Variants in EXOC4 observed in about 807,000 individuals in gnomAD.
The protein encoded by EXOC4 is exocyst complex component 4, also known as SEC8-like 1.
In EXOC4, 71 loss-of-function variants were observed where a neutral mutation model predicts 107.2. That is an observed-to-expected ratio of 0.66 (90% CI 0.55 to 0.81). The LOEUF (loss-of-function observed/expected upper bound fraction) is 0.81. Among genes scored for constraint, EXOC4 ranks in the 30% least tolerant of loss-of-function variants. EXOC4 has a pLI of 0.00. For missense variants in EXOC4, 1,108 were observed against 1,189.6 expected, an observed-to-expected ratio of 0.93 and a Z score of 1.01; for synonymous variants, 456 against 441.2, an observed-to-expected ratio of 1.03 and a Z score of -0.42.
intron 5 of EXOC4, among the ~76,000 whole-genome samples, chr7:133,343,572 G>A (rs140691053): frequency 6.6e-6 from 1 of 151,288 alleles, no homozygotes; most frequent in East Asian, 1.9e-4. Context: ...CCACGCACTC[G>A]ACTTAATCTT....
At chr7:133,991,691 C>T (rs749641112) in intron 14 of EXOC4, among the ~76,000 whole-genome samples, 2 of 152,088 alleles carry the variant, frequency 1.3e-5, no homozygotes, top group Admixed American at 1.3e-4. Context: ...TTTTCCAGTA[C>T]CATTTATTAA....
At position 133,359,844 on chromosome 7, in the gene EXOC4, G is replaced by A. The variant is rs559405342; in HGVS notation, c.1007+3271G>A. 2.6e-5 allele frequency among the ~76,000 whole-genome samples: 4 copies of A among 152,202 alleles called. No individual in the cohort carries two copies. The South Asian group carries it at 8.3e-4, about 32-fold the overall frequency. On this transcript the variant is annotated intron_variant, in intron 6 of 17. Transcript: ENST00000253861. Reference sequence around the variant, plus strand: ...GCCAGTTTTTTAAAAAATCACTTTGGTGACCTACTTATTATTTTATTTTAT... The same window carrying A: ...GCCAGTTTTTTAAAAAATCACTTTGATGACCTACTTATTATTTTATTTTAT...
chr7:133,684,277 T>G (rs1012107293), intron 10 of EXOC4, among the ~76,000 whole-genome samples: 1 of 152,182 alleles, frequency 6.6e-6, no homozygotes, highest in Admixed American at 6.5e-5. Context: ...ATCAGAATAC[T>G]TTATTCTTTG....
chr7:133,949,737 C>G (rs1585271264), intron 14 of EXOC4, among the ~76,000 whole-genome samples: 1 of 151,486 alleles, frequency 6.6e-6, no homozygotes, highest in African/African-American at 2.4e-5. Flanking sequence ...CTGCATTGTT[C>G]ATTATTTAGT....
intron 9 of EXOC4, among the ~76,000 whole-genome samples, chr7:133,495,354 ATAT>A (rs779601570): frequency 6.6e-6 from 1 of 151,966 alleles, no homozygotes; most frequent in Non-Finnish European, 1.5e-5. Context: ...TTATTTATTA[ATAT>A]TATTATTACA....
chr7:133,621,940 A>T (rs1356996988), intron 9 of EXOC4, among the ~76,000 whole-genome samples: 2 of 130,868 alleles, frequency 1.5e-5, no homozygotes, highest in South Asian at 5.7e-4. Flanking sequence ...AGGTCTGTTG[A>T]CTATTTTCTT....
At chr7:133,481,158 GC>G (rs1799147901) in intron 9 of EXOC4, 1 of 151,550 alleles carries the variant, frequency 6.6e-6, no homozygotes. Context: ...GAAATATAAA[GC>G]TTAAAGATCT....
intron 9 of EXOC4, among the ~76,000 whole-genome samples, chr7:133,600,820 A>G (rs1801788936): frequency 6.6e-6 from 1 of 152,100 alleles, no homozygotes; most frequent in South Asian, 2.1e-4. Context: ...TTGTTGGCTT[A>G]TTTTTATTTT....
intron 11 of EXOC4, among the ~76,000 whole-genome samples, chr7:133,894,397 A>G (rs1799253767): frequency 7.0e-6 from 1 of 143,178 alleles, no homozygotes; most frequent in Non-Finnish European, 1.5e-5. Flanking sequence ...GCTCAGAGTA[A>G]TTTGATGGTC....
intron 10 of EXOC4, among the ~76,000 whole-genome samples, chr7:133,757,858 A>C (rs1174915354): frequency 1.3e-5 from 2 of 152,226 alleles, no homozygotes; most frequent in African/African-American, 4.8e-5. Flanking sequence ...TTTTAAACAG[A>C]TAAGGAGACT....
intron 11 of EXOC4, among the ~76,000 whole-genome samples, chr7:133,884,583 G>GTC (rs1314355452): frequency 1.8e-5 from 1 of 55,532 alleles, no homozygotes; most frequent in African/African-American, 6.4e-5. Context: ...CCTATGCTCT[G>GTC]TGTGTGTGTG....
intron 13 of EXOC4, among the ~76,000 whole-genome samples, chr7:133,930,104 T>A (rs965902753): frequency 1.1e-4 from 16 of 152,240 alleles, no homozygotes; most frequent in Non-Finnish European, 1.5e-5. Context: ...TATAATGTGT[T>A]CAACTTATAA....
At position 134,010,885 on chromosome 7, in the gene EXOC4, C is replaced by T. The variant is rs114704128; in HGVS notation, c.2687+3050C>T. On this transcript the variant is annotated intron_variant, in intron 17 of 17. Transcript: ENST00000253861. ...TTCCATTGATGTTGATTCTTCTACTCATAGTATTGTTATCTTGTCTCTCTC... is the reference window on the plus strand; with the variant it reads ...TTCCATTGATGTTGATTCTTCTACTTATAGTATTGTTATCTTGTCTCTCTC... 5.3e-3 allele frequency among the ~76,000 whole-genome samples: 804 copies of T among 152,222 alleles called. 9 individuals are homozygous for T. The highest frequency in any genetic ancestry group is 0.019 in the African/African-American group (773 of 41,542).
At chr7:133,662,985 G>A (rs1163396459) in intron 10 of EXOC4, among the ~76,000 whole-genome samples, 1 of 152,042 alleles carries the variant, frequency 6.6e-6, no homozygotes, top group Non-Finnish European at 1.5e-5. Flanking sequence ...TTTCCCTTTT[G>A]CAGTGGAGAA....
chr7:133,450,713 A>G (rs1341242305), intron 7 of EXOC4, among the ~76,000 whole-genome samples: 1 of 152,224 alleles, frequency 6.6e-6, no homozygotes, highest in East Asian at 1.9e-4. Flanking sequence ...TTTTTCTGAG[A>G]TGGAACTTCA....
intron 11 of EXOC4, among the ~76,000 whole-genome samples, chr7:133,889,627 G>A (rs963858288): frequency 3.4e-5 from 4 of 117,102 alleles, no homozygotes; most frequent in Admixed American, 9.3e-5. Context: ...CTGTGTCCAT[G>A]TGATCTCATT....
At chr7:133,528,697 C>T (rs1237154314) in intron 9 of EXOC4, among the ~76,000 whole-genome samples, 1 of 151,946 alleles carries the variant, frequency 6.6e-6, no homozygotes, top group Non-Finnish European at 1.5e-5. Context: ...TTCTATAAAC[C>T]TAAAACTGCT....
intron 9 of EXOC4, among the ~76,000 whole-genome samples, chr7:133,627,396 T>C (rs1233269661): frequency 6.6e-6 from 1 of 152,168 alleles, no homozygotes; most frequent in Non-Finnish European, 1.5e-5. Context: ...ATCGTAGCAC[T>C]TAAGAATATT....
At chr7:133,716,094 A>G (rs1794992736) in intron 10 of EXOC4, among the ~76,000 whole-genome samples, 2 of 152,250 alleles carry the variant, frequency 1.3e-5, no homozygotes, top group South Asian at 4.1e-4. Context: ...CTTAAAGAGT[A>G]CATGCTACAA....
Sources: allele counts gnomAD v4.1 joint callset (sites outside exome capture counted in the v4.1 genomes callset), GRCh38; gene constraint gnomAD v4.1.1; transcripts MANE v1.5; gene names NCBI Gene and HGNC (gene_info 2026-07-23, HGNC 2026-07-21).